CCDC30: variants seen among roughly 807,000 people sequenced by gnomAD.
CCDC30 encodes coiled-coil domain containing 30.
A neutral mutation model predicts 100.2 loss-of-function variants in CCDC30; 70 were observed. That is an observed-to-expected ratio of 0.70 (90% confidence interval 0.58 to 0.85). The LOEUF (loss-of-function observed/expected upper bound fraction) is 0.85, where lower values mean the gene tolerates loss of function less well. Ranked by LOEUF, CCDC30 falls within the 40% of genes least tolerant of loss-of-function variation. CCDC30 has a pLI of 0.00. For synonymous variants in CCDC30, 233 were observed against 269.5 expected (o/e 0.86, Z 1.33); for missense variants, 652 against 771.2 (o/e 0.85, Z 1.83).
intron 11 of CCDC30, among the ~76,000 whole-genome samples, chr1:42,617,908 G>T (rs1457546493): frequency 1.3e-5 from 2 of 152,200 alleles, no homozygotes; most frequent in African/African-American, 4.8e-5. Context: ...TTGGGAAAGG[G>T]CTGTTATCAA....
rs756915642 is a variant in CCDC30 at position 42,644,680 on chromosome 1, A to C, written c.1557-13A>C. 6.8e-7 allele frequency: 1 copy of C among 1,460,056 alleles called. No individual in the cohort carries two copies. Among genetic ancestry groups the C allele is most frequent in the Admixed American group, 1.7e-5 (1 of 59,694 alleles). The allele number at this position is 1,460,056 out of a possible 1,614,324, so 90.4% of individuals were successfully genotyped here. ...AAATCTCTAATCATGCCACTGATTT[A>C]TGCCATTCTTAGGGTACTTTACATG... is the stretch of plus-strand genomic sequence containing the variant. On this transcript the variant is annotated splice_polypyrimidine_tract_variant and intron_variant, in intron 13 of 16. Transcript: ENST00000668663.
chr1:42,462,867 C>A (rs1396177982), upstream of CCDC30, among the ~76,000 whole-genome samples: 2 of 152,192 alleles, frequency 1.3e-5, no homozygotes, highest in African/African-American at 4.8e-5. Context: ...ATTTATCTTA[C>A]GTGCCCCACG....
At chr1:42,615,627 C>G (rs555352090) in intron 11 of CCDC30, among the ~76,000 whole-genome samples, 1 of 151,982 alleles carries the variant, frequency 6.6e-6, no homozygotes, top group Non-Finnish European at 1.5e-5. Flanking sequence ...AAAAACCCTA[C>G]GATTCTAAAT....
At chr1:42,456,881 C>T in the CCDC30 span, 1 of 1,613,064 alleles carries the variant, frequency 6.2e-7, no homozygotes. Flanking sequence ...GTCCGCTCTG[C>T]GGCCTTCGGG....
rs1177903823 is a variant in CCDC30 at position 42,576,616 on chromosome 1, A to T, written c.637-404A>T. Among the ~76,000 whole-genome samples the T allele has an allele frequency of 2.0e-5, 3 of 152,204 alleles. No homozygotes were observed. The East Asian group carries it at 5.8e-4, about 29-fold the overall frequency. On this transcript the variant is annotated intron_variant, in intron 7 of 16. Transcript: ENST00000668663. Reference sequence around the variant, plus strand: ...AGTCTACAAAGAAGACCAAGAAAGAACAGCAGAGAGCTAAGTGAAAACCAG... The same window carrying T: ...AGTCTACAAAGAAGACCAAGAAAGATCAGCAGAGAGCTAAGTGAAAACCAG...
intron 1 of CCDC30, among the ~76,000 whole-genome samples, chr1:42,464,577 T>G (rs1190346636): frequency 6.6e-6 from 1 of 152,174 alleles, no homozygotes; most frequent in Non-Finnish European, 1.5e-5. Context: ...AAAATAAATA[T>G]TTTTGGCAAG....
intron 10 of CCDC30, among the ~76,000 whole-genome samples, chr1:42,601,646 C>T (rs1401003884): frequency 6.6e-6 from 1 of 152,108 alleles, no homozygotes; most frequent in African/African-American, 2.4e-5. Flanking sequence ...AGGCAGTGAC[C>T]TAGAGTAAAG....
At chr1:42,631,658 T>C (rs1331491378) in intron 11 of CCDC30, among the ~76,000 whole-genome samples, 1 of 152,170 alleles carries the variant, frequency 6.6e-6, no homozygotes, top group East Asian at 1.9e-4. Context: ...TGGTGTTCTG[T>C]TGTATTGTGG....
chr1:42,458,724 C>T (rs143837054), upstream of CCDC30, among the ~76,000 whole-genome samples: 1 of 152,208 alleles, frequency 6.6e-6, no homozygotes, highest in Admixed American at 6.5e-5. Flanking sequence ...TTTAGTTTAT[C>T]CCACAGTTTT....
In CCDC30 at chr1:42,606,712, T is replaced by A. The variant is rs2148633545; in HGVS notation, c.1165-4266T>A. Among the ~76,000 whole-genome samples, 2 of 152,322 alleles carry A rather than the reference T, an allele frequency of 1.3e-5. 1 individual carries two copies. Among genetic ancestry groups the A allele is most frequent in the South Asian group, 4.1e-4 (2 of 4,824 alleles). On this transcript the variant is annotated intron_variant, in intron 10 of 16. Coordinates refer to ENST00000668663, the Ensembl canonical transcript of CCDC30. ...ATACCATAAACCTTAAATTACAGCA[T>A]GGGACTCATACAAAGTAGCCACTAG...
intron 1 of CCDC30, among the ~76,000 whole-genome samples, chr1:42,467,991 G>C (rs924135720): frequency 1.3e-5 from 2 of 152,222 alleles, no homozygotes; most frequent in Admixed American, 6.5e-5. Context: ...AACTCGCAGG[G>C]AAGCTCAGAG....
At chr1:42,613,471 A>T (rs1438607314) in intron 11 of CCDC30, among the ~76,000 whole-genome samples, 1 of 151,874 alleles carries the variant, frequency 6.6e-6, no homozygotes, top group Non-Finnish European at 1.5e-5. Context: ...GTTAGCCAGG[A>T]TGGTCTCGAT....
intron 6 of CCDC30, chr1:42,500,368 C>T (rs1569824531): frequency 2.7e-6 from 4 of 1,455,924 alleles, no homozygotes; most frequent in East Asian, 2.3e-5. Context: ...GAGTGAGGTG[C>T]GTGAGAACGA....
At chr1:42,473,056 A>G (rs1209532116) in intron 1 of CCDC30, 1 of 1,216,426 alleles carries the variant, frequency 8.2e-7, no homozygotes, top group Non-Finnish European at 1.0e-6. Context: ...ACCCACATAG[A>G]TATCTTGCAT....
intron 7 of CCDC30, among the ~76,000 whole-genome samples, chr1:42,574,085 C>T (rs913105670): frequency 1.8e-4 from 27 of 152,048 alleles, no homozygotes; most frequent in Non-Finnish European, 3.2e-4. Flanking sequence ...CCTTGCAATG[C>T]CCTTGTCAGA....
chr1:42,456,811 C>T, the CCDC30 span: 5 of 1,613,316 alleles, frequency 3.1e-6, no homozygotes, highest in African/African-American at 4.0e-5. Context: ...GGGTCCTGTT[C>T]TTGTATCGCG....
intron 6 of CCDC30, among the ~76,000 whole-genome samples, chr1:42,499,521 G>A (rs1436181495): frequency 2.6e-5 from 4 of 151,852 alleles, no homozygotes; most frequent in Non-Finnish European, 5.9e-5. Context: ...TGTTGCCCAG[G>A]CTGGAGTACA....
intron 10 of CCDC30, among the ~76,000 whole-genome samples, chr1:42,604,932 CTATT>C (rs1212904129): frequency 6.6e-6 from 1 of 152,130 alleles, no homozygotes; most frequent in Non-Finnish European, 1.5e-5. Flanking sequence ...CTAAGGGGTT[CTATT>C]TATTTATTTA....
intron 10 of CCDC30, 62 bp from the exon 15 acceptor site, chr1:42,610,916 C>A: frequency 2.7e-6 from 2 of 738,906 alleles, no homozygotes; most frequent in East Asian, 2.8e-5. Flanking sequence ...AAAGACTTTG[C>A]ATTTCTTCAA....
Sources: allele counts gnomAD v4.1 joint callset (sites outside exome capture counted in the v4.1 genomes callset), GRCh38; gene constraint gnomAD v4.1.1; transcripts MANE v1.5; gene names NCBI Gene and HGNC (gene_info 2026-07-23, HGNC 2026-07-21).